Variants in ABI2 observed in about 807,000 individuals in gnomAD.
The protein encoded by ABI2 is abl interactor 2.
A neutral mutation model predicts 59.2 loss-of-function variants in ABI2; 25 were observed. That is an observed-to-expected ratio of 0.42 (90% CI 0.31 to 0.59). The LOEUF is 0.59. Among genes scored for constraint, ABI2 ranks in the 20% least tolerant of loss-of-function variants. The pLI, the probability that ABI2 is intolerant of heterozygous loss-of-function variation, is 0.14. For missense variants in ABI2, 545 were observed against 681.8 expected (o/e 0.80, Z 2.23); for synonymous variants, 213 against 235.5 (o/e 0.90, Z 0.87).
At chr2:203,363,535 C>T (rs2093857246) in intron 1 of ABI2, among the ~76,000 whole-genome samples, 1 of 151,972 alleles carries the variant, frequency 6.6e-6, no homozygotes, top group African/African-American at 2.4e-5. Flanking sequence ...CACTTTCCCC[C>T]TACCCTTCCC....
intron 8 of ABI2, among the ~76,000 whole-genome samples, chr2:203,401,701 G>A (rs1202456555): frequency 3.3e-5 from 5 of 151,958 alleles, no homozygotes; most frequent in African/African-American, 4.8e-5. Context: ...TTAATTTTAA[G>A]ACAAAGTAAT....
intron 2 of ABI2, among the ~76,000 whole-genome samples, chr2:203,373,602 A>C (rs1297594717): frequency 1.3e-5 from 2 of 152,166 alleles, no homozygotes; most frequent in Non-Finnish European, 2.9e-5. Flanking sequence ...ATCCATGTTC[A>C]AGTTTGTCAT....
intron 9 of ABI2, among the ~76,000 whole-genome samples, chr2:203,407,220 C>T (rs1317689882): frequency 6.6e-6 from 1 of 152,174 alleles, no homozygotes; most frequent in African/African-American, 2.4e-5. Flanking sequence ...CCACCGCATC[C>T]AGCCTGAATT....
At chr2:203,410,589 T>C (rs1694994581) in intron 9 of ABI2, among the ~76,000 whole-genome samples, 1 of 152,224 alleles carries the variant, frequency 6.6e-6, no homozygotes, top group Non-Finnish European at 1.5e-5. Flanking sequence ...TGCACTTTTC[T>C]ATACCATCAG....
intron 2 of ABI2, among the ~76,000 whole-genome samples, chr2:203,372,258 T>A (rs2095285056): frequency 6.6e-6 from 1 of 152,160 alleles, no homozygotes. Flanking sequence ...AGGTCACCGA[T>A]CAACAGGATC....
chr2:203,392,784 T>A (rs151308128), intron 5 of ABI2, among the ~76,000 whole-genome samples: 1 of 152,184 alleles, frequency 6.6e-6, no homozygotes, highest in African/African-American at 2.4e-5. Flanking sequence ...GAATGAAACT[T>A]TGTGTTGTTT....
chr2:203,374,128 A>G (rs1323796346), intron 2 of ABI2, among the ~76,000 whole-genome samples: 1 of 152,134 alleles, frequency 6.6e-6, no homozygotes, highest in East Asian at 1.9e-4. Context: ...CACTGGATTC[A>G]AGCATGGGCA....
intron 4 of ABI2, among the ~76,000 whole-genome samples, chr2:203,386,970 T>A (rs2096550119): frequency 6.6e-6 from 1 of 151,928 alleles, no homozygotes; most frequent in Non-Finnish European, 1.5e-5. Context: ...GGCATGTGAG[T>A]CTTATTTATT....
At chr2:203,354,467 T>C (rs894878344) in intron 1 of ABI2, among the ~76,000 whole-genome samples, 13 of 152,192 alleles carry the variant, frequency 8.5e-5, no homozygotes, top group Admixed American at 7.9e-4. Flanking sequence ...ATGAATCTTA[T>C]ATGAACATAC....
At chr2:203,410,203 C>G (rs1392695309) in intron 9 of ABI2, among the ~76,000 whole-genome samples, 1 of 152,172 alleles carries the variant, frequency 6.6e-6, no homozygotes, top group East Asian at 1.9e-4. Context: ...CAGGGAATTG[C>G]TACAAATATT....
intron 9 of ABI2, among the ~76,000 whole-genome samples, chr2:203,406,323 C>G (rs904287622): frequency 6.6e-6 from 1 of 152,150 alleles, no homozygotes; most frequent in Non-Finnish European, 1.5e-5. Flanking sequence ...CTGTATTTTA[C>G]TGCTCATATT....
intron 9 of ABI2, among the ~76,000 whole-genome samples, chr2:203,409,185 A>G (rs900921037): frequency 3.9e-5 from 6 of 152,158 alleles, no homozygotes; most frequent in African/African-American, 2.4e-5. Context: ...TGGAAACAGT[A>G]TTATGAACAT....
intron 2 of ABI2, among the ~76,000 whole-genome samples, chr2:203,369,002 T>A (rs1017558460): frequency 3.1e-5 from 4 of 128,568 alleles, no homozygotes; most frequent in East Asian, 2.2e-4. Context: ...TTTTTTTTTT[T>A]TTTTTTTTTT....
intron 4 of ABI2, among the ~76,000 whole-genome samples, chr2:203,388,725 T>C (rs566507824): frequency 6.6e-6 from 1 of 152,134 alleles, no homozygotes; most frequent in East Asian, 1.9e-4. Flanking sequence ...GATTTTAATA[T>C]ATAGATTGTT....
chr2:203,425,501 T>C (rs2098402641), intron 11 of ABI2, among the ~76,000 whole-genome samples: 1 of 152,190 alleles, frequency 6.6e-6, no homozygotes, highest in Admixed American at 6.5e-5. Context: ...CGCACCTGGC[T>C]GGATTTGCAT....
intron 11 of ABI2, among the ~76,000 whole-genome samples, chr2:203,422,005 C>G (rs982119411): frequency 6.6e-6 from 1 of 150,796 alleles, no homozygotes; most frequent in African/African-American, 2.4e-5. Flanking sequence ...GAGCCAGTTG[C>G]ATGTAGTGGC....
chr2:203,371,645 C>T (rs1017410786), intron 2 of ABI2, among the ~76,000 whole-genome samples: 4 of 152,044 alleles, frequency 2.6e-5, no homozygotes, highest in African/African-American at 9.7e-5. Flanking sequence ...AAATTTTTAT[C>T]TTCAAACTGA....
chr2:203,354,149 A>G (rs2090602052), intron 1 of ABI2, among the ~76,000 whole-genome samples: 1 of 152,132 alleles, frequency 6.6e-6, no homozygotes, highest in Non-Finnish European at 1.5e-5. Flanking sequence ...GGCTCAAGCC[A>G]ACCTCCCACC....
chr2:203,354,095 A>T (rs753772762), intron 1 of ABI2, among the ~76,000 whole-genome samples: 1 of 152,156 alleles, frequency 6.6e-6, no homozygotes, highest in Non-Finnish European at 1.5e-5. Flanking sequence ...CCCAGGTTGG[A>T]GTGCGGTGGC....
Sources: gnomAD v4.1 joint callset for allele counts (sites outside exome capture counted in the v4.1 genomes callset) on GRCh38, gnomAD v4.1.1 for gene constraint, MANE v1.5 for transcripts, NCBI Gene and HGNC (gene_info 2026-07-23, HGNC 2026-07-21) for gene names.